ULK4: variants seen among roughly 807,000 people sequenced by gnomAD.
ULK4 encodes the protein unc-51 like kinase 4.
In ULK4, 133 loss-of-function variants were observed where a neutral mutation model predicts 160.6. The ratio of observed to expected loss-of-function variants is 0.83; its 90% CI spans 0.72 to 0.96. The LOEUF is 0.96. Among genes scored for constraint, ULK4 ranks in the 40% least tolerant of loss-of-function variants. ULK4 has a pLI of 0.00. For missense variants in ULK4, 1,580 were observed against 1,499.5 expected (o/e 1.05, Z -0.89); for synonymous variants, 534 against 539.8 (o/e 0.99, Z 0.15).
At chr3:41,270,098 C>G (rs2079114159) in intron 35 of ULK4, among the ~76,000 whole-genome samples, 1 of 152,024 alleles carries the variant, frequency 6.6e-6, no homozygotes, top group African/African-American at 2.4e-5. Context: ...AAGTTGTTAG[C>G]TAAAGTTGGA....
At chr3:41,811,121 A>C (rs1254627739) in intron 19 of ULK4, among the ~76,000 whole-genome samples, 2 of 151,454 alleles carry the variant, frequency 1.3e-5, no homozygotes, top group African/African-American at 2.5e-5. Flanking sequence ...TCTTGGCCTC[A>C]AGTGATCCTC....
chr3:41,709,094 A>G (rs2037002310), intron 25 of ULK4, among the ~76,000 whole-genome samples: 1 of 152,212 alleles, frequency 6.6e-6, no homozygotes, highest in Non-Finnish European at 1.5e-5. Context: ...GAAAACAACA[A>G]TATGTTAACA....
intron 20 of ULK4, among the ~76,000 whole-genome samples, chr3:41,798,833 AG>A (rs991281482): frequency 6.6e-6 from 1 of 152,162 alleles, no homozygotes; most frequent in Non-Finnish European, 1.5e-5. Flanking sequence ...GAGTCAGGAA[AG>A]GGCAAAAATA....
At chr3:41,379,730 T>G (rs1483799005) in intron 35 of ULK4, among the ~76,000 whole-genome samples, 1 of 152,124 alleles carries the variant, frequency 6.6e-6, no homozygotes, top group Non-Finnish European at 1.5e-5. Context: ...GCCAAAATAT[T>G]TTTTAAAAAT....
chr3:41,470,952 T>C (rs569512663), intron 32 of ULK4, among the ~76,000 whole-genome samples: 1 of 152,000 alleles, frequency 6.6e-6, no homozygotes, highest in South Asian at 2.1e-4. Context: ...AATAATAAAA[T>C]GACAGAAGTC....
chr3:41,311,251 C>T (rs1299808523), intron 35 of ULK4, among the ~76,000 whole-genome samples: 5 of 152,082 alleles, frequency 3.3e-5, no homozygotes, highest in South Asian at 2.1e-4. Context: ...AGGGTGTGTC[C>T]GTGAGGGCGT....
chr3:41,728,598 G>A (rs961981466), intron 22 of ULK4, among the ~76,000 whole-genome samples: 5 of 151,046 alleles, frequency 3.3e-5, no homozygotes, highest in African/African-American at 1.2e-4. Flanking sequence ...TAGATTAAAT[G>A]AGATCACTCC....
chr3:41,933,674 A>C (rs1406716292), intron 4 of ULK4, among the ~76,000 whole-genome samples: 3 of 151,972 alleles, frequency 2.0e-5, no homozygotes, highest in African/African-American at 7.3e-5. Context: ...TGCCTTGTAC[A>C]GCTATGAACT....
intron 27 of ULK4, among the ~76,000 whole-genome samples, chr3:41,690,769 G>A (rs766984444): frequency 6.6e-6 from 1 of 151,912 alleles, no homozygotes; most frequent in Non-Finnish European, 1.5e-5. Flanking sequence ...AGAAAGGCCA[G>A]GCATATGTTT....
At position 41,717,860 on chromosome 3, in the gene ULK4, G is replaced by A. The variant is rs1054086049; in HGVS notation, c.2323C>T (p.Leu775=). 4.3e-6 allele frequency: 7 copies of A among 1,613,668 alleles called. No individual in the cohort carries two copies. The highest frequency in any genetic ancestry group is 1.3e-5 in the African/African-American group (1 of 74,908). Residue 775 remains leucine, a splice_region_variant and synonymous_variant, in exon 23 of 37, where the codon CTG becomes TTG. Transcript: ENST00000301831. ...CTGTCTCTCTCGATGTACATCACCAGTCTACATACAGGAAAGTGCAAAGAT... is the reference window on the plus strand; with the variant it reads ...CTGTCTCTCTCGATGTACATCACCAATCTACATACAGGAAAGTGCAAAGAT... The part of the protein sequence containing the change: ...EMLLLSCQAR[L]VMYIERDSRK...
intron 34 of ULK4, among the ~76,000 whole-genome samples, chr3:41,417,803 G>C (rs2082562191): frequency 6.6e-6 from 1 of 152,080 alleles, no homozygotes; most frequent in Non-Finnish European, 1.5e-5. Flanking sequence ...AGGGAGGCTG[G>C]GAAATGTAGT....
chr3:41,929,782 G>A (rs1699523173), intron 5 of ULK4, among the ~76,000 whole-genome samples: 2 of 152,002 alleles, frequency 1.3e-5, no homozygotes, highest in South Asian at 4.1e-4. Flanking sequence ...AGCTTACAAG[G>A]GATGTGAAGG....
At chr3:41,511,672 C>G (rs1303849160) in intron 32 of ULK4, among the ~76,000 whole-genome samples, 2 of 152,058 alleles carry the variant, frequency 1.3e-5, no homozygotes, top group Admixed American at 1.3e-4. Flanking sequence ...AAAAAAAAGT[C>G]CAGTACCAGA....
At chr3:41,436,214 T>C (rs1476509574) in intron 34 of ULK4, among the ~76,000 whole-genome samples, 1 of 152,140 alleles carries the variant, frequency 6.6e-6, no homozygotes, top group Non-Finnish European at 1.5e-5. Context: ...AATGTAAGTG[T>C]TCTGAGCACA....
intron 3 of ULK4, chr3:41,937,801 T>TA (rs1181136185): frequency 9.0e-6 from 2 of 221,998 alleles, no homozygotes; most frequent in African/African-American, 4.5e-5. Flanking sequence ...CTAGTCAACT[T>TA]AAAATGTTTG....
In ULK4 at chr3:41,927,074, A is replaced by G. The variant is rs1028865464; in HGVS notation, c.541+4770T>C. On this transcript the variant is annotated intron_variant, in intron 5 of 36. Transcript: ENST00000301831. ...AGATTCACCAAGGTTAAAATGAGGG[A>G]AAAAATGTTAAGGGCAGCCAGAGAG... 2.0e-4 allele frequency among the ~76,000 whole-genome samples: 31 copies of G among 152,300 alleles called. 1 individual carries two copies. Among genetic ancestry groups the G allele is most frequent in the Non-Finnish European group, 8.8e-5 (6 of 68,024 alleles).
chr3:41,346,748 A>C (rs2080808448), intron 35 of ULK4, among the ~76,000 whole-genome samples: 1 of 152,374 alleles, frequency 6.6e-6, no homozygotes, highest in East Asian at 1.9e-4. Context: ...CTGAAGTAAA[A>C]GTAATTGAAA....
chr3:41,389,153 C>T (rs1352959074), intron 35 of ULK4, among the ~76,000 whole-genome samples: 12 of 152,018 alleles, frequency 7.9e-5, no homozygotes, highest in African/African-American at 2.9e-4. Flanking sequence ...AATGGGAGTT[C>T]ACTCATGATT....
intron 20 of ULK4, among the ~76,000 whole-genome samples, chr3:41,794,660 C>CAAAAAAAAAA (rs71075484): frequency 0.028 from 533 of 18,960 alleles, 89 homozygotes; most frequent in Admixed American, 0.041. Context: ...GACTCTGTCT[C>CAAAAAAAAAA]AAAAAAAAAA....
Sources: allele counts gnomAD v4.1 joint callset (sites outside exome capture counted in the v4.1 genomes callset), GRCh38; gene constraint gnomAD v4.1.1; transcripts MANE v1.5; gene names NCBI Gene and HGNC (gene_info 2026-07-23, HGNC 2026-07-21).